The following PCCA variants were observed in gnomAD, a reference collection of about 807,000 sequenced individuals.
PCCA encodes propionyl-CoA carboxylase subunit alpha.
PCCA carries 74 observed loss-of-function variants against 101.3 expected under a neutral mutation model. That is an observed-to-expected ratio of 0.73 (90% CI 0.61 to 0.89). PCCA has a LOEUF of 0.89. Among genes scored for constraint, PCCA ranks in the 40% least tolerant of loss-of-function variants. The pLI is 0.00. For missense variants in PCCA, 891 were observed against 907.0 expected, an observed-to-expected ratio of 0.98 and a Z score of 0.23; for synonymous variants, 294 against 313.6, an observed-to-expected ratio of 0.94 and a Z score of 0.66.
chr13:100,520,680 A>T lies in PCCA; in HGVS notation c.2040+5113A>T, dbSNP rs905504412. Among the ~76,000 whole-genome samples the T allele has an allele frequency of 2.0e-5, 3 of 151,788 alleles. No individual in the cohort carries two copies. In the East Asian group the frequency reaches 5.8e-4, roughly 29 times the overall value. ...AAAGAGTTGGTTTTTGTTGGAGGTA[A>T]CAAATATCTATTAGTAGATAAGAGG... On this transcript the variant is annotated intron_variant, in intron 22 of 23. Transcript: ENST00000376285.
chr13:100,089,161 C>T lies in PCCA; in HGVS notation c.41C>T (p.Ala14Val). 6.5e-7 allele frequency: 1 copy of T among 1,527,528 alleles called. No individual in the cohort carries two copies. Among genetic ancestry groups the T allele is most frequent in the South Asian group, 1.2e-5 (1 of 80,146 alleles). The allele number at this position is 1,527,528 out of a possible 1,614,324, so 94.6% of individuals were successfully genotyped here. Residue 14 changes from alanine to valine, a missense_variant, in exon 1 of 24, where the codon GCC becomes GTC. Transcript: ENST00000376285. ...GTCGGGACAGCACCGCTGGTCGCTGCCGGACGGCGTGGGCGGTGGCCGCCG... is the reference window on the plus strand; with the variant it reads ...GTCGGGACAGCACCGCTGGTCGCTGTCGGACGGCGTGGGCGGTGGCCGCCG... ...FWVGTAPLVA[A>V]GRRGRWPPQQ...
intron 12 of PCCA, among the ~76,000 whole-genome samples, chr13:100,294,870 C>T (rs1331810927): frequency 6.6e-6 from 1 of 152,186 alleles, no homozygotes; most frequent in African/African-American, 2.4e-5. Context: ...CTTCATCCAT[C>T]TATTCTAAGC....
chr13:100,513,391 A>G (rs2086622224), intron 21 of PCCA, among the ~76,000 whole-genome samples: 1 of 152,248 alleles, frequency 6.6e-6, no homozygotes, highest in African/African-American at 2.4e-5. Flanking sequence ...AAGGAAAAGG[A>G]ACATCTCATC....
chr13:100,352,429 G>C (rs373037153), intron 18 of PCCA, among the ~76,000 whole-genome samples: 1 of 142,938 alleles, frequency 7.0e-6, no homozygotes, highest in Admixed American at 7.1e-5. Flanking sequence ...ATAGGGTCTT[G>C]CTCTATCACC....
intron 6 of PCCA, among the ~76,000 whole-genome samples, chr13:100,173,137 C>G (rs1366025740): frequency 6.6e-6 from 1 of 152,142 alleles, no homozygotes; most frequent in Non-Finnish European, 1.5e-5. Flanking sequence ...TGCTTTCCTC[C>G]CAAAAGCTAG....
chr13:100,307,808 C>T (rs1029326821), intron 15 of PCCA, among the ~76,000 whole-genome samples: 36 of 152,220 alleles, frequency 2.4e-4, no homozygotes, highest in African/African-American at 7.2e-4. Flanking sequence ...CCCTTAAAAC[C>T]GTATAAAGTG....
At chr13:100,267,143 A>G (rs962074736) in intron 10 of PCCA, among the ~76,000 whole-genome samples, 2 of 152,198 alleles carry the variant, frequency 1.3e-5, no homozygotes, top group Non-Finnish European at 2.9e-5. Flanking sequence ...GATATTTTAT[A>G]GTTGGAAATA....
intron 20 of PCCA, among the ~76,000 whole-genome samples, chr13:100,426,438 T>G (rs1250517026): frequency 6.7e-6 from 1 of 150,368 alleles, no homozygotes; most frequent in African/African-American, 2.5e-5. Flanking sequence ...TAAATGCTCA[T>G]TCTTTGTTCT....
At chr13:100,211,459 T>C (rs1566717069) in intron 7 of PCCA, among the ~76,000 whole-genome samples, 3 of 152,236 alleles carry the variant, frequency 2.0e-5, no homozygotes, top group Non-Finnish European at 2.9e-5. Context: ...TCTGATCTTA[T>C]ATCAATCTTT....
chr13:100,308,863 A>C (rs2066677739), intron 15 of PCCA, among the ~76,000 whole-genome samples: 1 of 152,192 alleles, frequency 6.6e-6, no homozygotes, highest in African/African-American at 2.4e-5. Flanking sequence ...GGCTAATATA[A>C]CTGCCAGAAA....
At chr13:100,278,251 T>C (rs561642572) in intron 12 of PCCA, among the ~76,000 whole-genome samples, 8 of 152,352 alleles carry the variant, frequency 5.3e-5, no homozygotes, top group African/African-American at 1.9e-4. Flanking sequence ...TGTAATTTGA[T>C]TCTGAAGACA....
intron 14 of PCCA, chr13:100,305,845 T>C (rs2066403426): frequency 4.5e-6 from 2 of 441,902 alleles, no homozygotes; most frequent in South Asian, 1.8e-5. Context: ...GTAAGTGTGC[T>C]GAATGATTTT....
intron 14 of PCCA, among the ~76,000 whole-genome samples, chr13:100,304,100 G>T (rs966039147): frequency 1.3e-5 from 2 of 152,176 alleles, no homozygotes; most frequent in Non-Finnish European, 2.9e-5. Context: ...ATTTTCAAAC[G>T]TGAGACCTGT....
intron 19 of PCCA, among the ~76,000 whole-genome samples, chr13:100,409,475 C>T (rs572891544): frequency 6.6e-6 from 1 of 152,222 alleles, no homozygotes; most frequent in South Asian, 2.1e-4. Flanking sequence ...GGCCAGAGTT[C>T]CTGCTAGAGT....
intron 12 of PCCA, among the ~76,000 whole-genome samples, chr13:100,290,170 T>G (rs953752481): frequency 2.6e-5 from 4 of 152,144 alleles, no homozygotes; most frequent in Non-Finnish European, 5.9e-5. Flanking sequence ...GATAATGTAG[T>G]CTTGCTGTCT....
intron 21 of PCCA, among the ~76,000 whole-genome samples, chr13:100,498,605 C>T (rs1321888236): frequency 1.3e-5 from 2 of 152,168 alleles, no homozygotes; most frequent in South Asian, 2.1e-4. Flanking sequence ...AGTTCCAAGA[C>T]GATTCATCAC....
At position 100,374,113 on chromosome 13, in the gene PCCA, A is replaced by AAAAT. The variant is rs1197869415; in HGVS notation, c.1746+5559_1746+5562dup. On this transcript the variant is annotated intron_variant, in intron 19 of 23. Coordinates refer to ENST00000376285, the MANE Select transcript of PCCA (RefSeq NM_000282.4). ...GGTGACAGAGTGAGACTCTCTCTCAAAAATAAATAAATAAATAAATAAAAT... is the reference window on the plus strand; with the variant it reads ...GGTGACAGAGTGAGACTCTCTCTCAAAAATAAATAAATAAATAAATAAATAAAAT... Among the ~76,000 whole-genome samples, 52 of 152,184 alleles carry AAAAT rather than the reference A, an allele frequency of 3.4e-4. 2 individuals are homozygous for AAAAT. The East Asian group carries it at 4.2e-3, about 12-fold the overall frequency.
intron 21 of PCCA, among the ~76,000 whole-genome samples, chr13:100,497,770 G>A (rs1170905680): frequency 1.3e-5 from 2 of 152,024 alleles, no homozygotes; most frequent in Non-Finnish European, 2.9e-5. Flanking sequence ...TCCAAGACCT[G>A]GTAAATTTCT....
chr13:100,105,153 TA>T (rs2047634369), intron 2 of PCCA, among the ~76,000 whole-genome samples: 1 of 152,236 alleles, frequency 6.6e-6, no homozygotes, highest in Non-Finnish European at 1.5e-5. Flanking sequence ...CTAAGTCTTC[TA>T]AATCCAGTGT....
Sources: gnomAD v4.1 joint callset for allele counts (sites outside exome capture counted in the v4.1 genomes callset) on GRCh38, gnomAD v4.1.1 for gene constraint, MANE v1.5 for transcripts, NCBI Gene and HGNC (gene_info 2026-07-23, HGNC 2026-07-21) for gene names.